The following CBFA2T2 variants were observed in gnomAD, a reference collection of about 807,000 sequenced individuals.
The protein encoded by CBFA2T2 is protein CBFA2T2.
Under a neutral mutation model 62.2 loss-of-function variants are expected in CBFA2T2, and 11 were observed. That is an observed-to-expected ratio of 0.18 (90% CI 0.11 to 0.29). The LOEUF is 0.29. CBFA2T2 is among the 10% of genes least tolerant of loss of function. The pLI, the probability that CBFA2T2 is intolerant of heterozygous loss-of-function variation, is 1.00. For synonymous variants in CBFA2T2, 295 were observed against 287.5 expected (o/e 1.03, Z -0.27); for missense variants, 592 against 774.1 (o/e 0.76, Z 2.79).
intron 1 of CBFA2T2, among the ~76,000 whole-genome samples, chr20:33,576,269 T>C (rs980593722): frequency 6.6e-6 from 1 of 152,154 alleles, no homozygotes; most frequent in Non-Finnish European, 1.5e-5. Context: ...ATAGGCTTTC[T>C]GCCTCCTTAA....
At chr20:33,639,759 G>C (rs1015285754) in intron 9 of CBFA2T2, 1 of 152,372 alleles carries the variant, frequency 6.6e-6, no homozygotes, top group Non-Finnish European at 1.5e-5. Context: ...AGTATGGTGG[G>C]ACACGCCTGT....
chr20:33,587,351 G>A (rs969817085), intron 1 of CBFA2T2, among the ~76,000 whole-genome samples: 21 of 151,708 alleles, frequency 1.4e-4, no homozygotes, highest in African/African-American at 5.1e-4. Flanking sequence ...ACTGCAACCT[G>A]TGCCTCCTGG....
chr20:33,523,727 C>T (rs566771003), intron 1 of CBFA2T2, among the ~76,000 whole-genome samples: 86 of 150,842 alleles, frequency 5.7e-4, no homozygotes, highest in Admixed American at 9.2e-4. Flanking sequence ...TCACCCTTGT[C>T]GCCCAGGCTG....
intron 1 of CBFA2T2, among the ~76,000 whole-genome samples, chr20:33,561,697 T>A (rs1362509622): frequency 6.6e-6 from 1 of 152,246 alleles, no homozygotes; most frequent in Non-Finnish European, 1.5e-5. Context: ...ACACTTATAT[T>A]AGCAGTTATT....
chr20:33,553,949 TTTG>T (rs1227827818), intron 1 of CBFA2T2, among the ~76,000 whole-genome samples: 3 of 152,098 alleles, frequency 2.0e-5, no homozygotes, highest in Non-Finnish European at 2.9e-5. Flanking sequence ...GGCATATGCT[TTTG>T]TTAACTTTAC....
chr20:33,643,807 AT>A, intron 10 of CBFA2T2, among the ~76,000 whole-genome samples: 3 of 25,204 alleles, frequency 1.2e-4, no homozygotes, highest in African/African-American at 3.7e-4. Flanking sequence ...ATATATATAT[AT>A]ATATATATAG....
chr20:33,546,443 T>C (rs977438360), intron 1 of CBFA2T2, among the ~76,000 whole-genome samples: 35 of 149,778 alleles, frequency 2.3e-4, no homozygotes, highest in African/African-American at 7.7e-4. Flanking sequence ...TTTTTTTTTT[T>C]CTTGGAGACA....
intron 1 of CBFA2T2, among the ~76,000 whole-genome samples, chr20:33,495,627 G>C (rs867964360): frequency 3.3e-5 from 5 of 152,022 alleles, no homozygotes; most frequent in South Asian, 4.1e-4. Context: ...AACTGCGGAG[G>C]TTGCAGTGTG....
intron 1 of CBFA2T2, among the ~76,000 whole-genome samples, chr20:33,496,787 T>C (rs2011203863): frequency 1.3e-5 from 2 of 152,126 alleles, no homozygotes; most frequent in South Asian, 4.1e-4. Context: ...GTACCTTTTG[T>C]TTGCTCTTCT....
At chr20:33,558,029 A>G (rs1231805657) in intron 1 of CBFA2T2, among the ~76,000 whole-genome samples, 1 of 151,800 alleles carries the variant, frequency 6.6e-6, no homozygotes, top group Non-Finnish European at 1.5e-5. Context: ...GGGTTTCACC[A>G]TGTTGGCCAG....
intron 10 of CBFA2T2, among the ~76,000 whole-genome samples, chr20:33,643,781 A>AG (rs1225967739): frequency 3.7e-5 from 1 of 26,848 alleles, no homozygotes; most frequent in Admixed American, 5.8e-4. Context: ...ATATATATAT[A>AG]TATATATATA....
intron 1 of CBFA2T2, among the ~76,000 whole-genome samples, chr20:33,563,949 G>C (rs1167350893): frequency 6.6e-6 from 1 of 152,186 alleles, no homozygotes; most frequent in East Asian, 1.9e-4. Context: ...TACCAGAACA[G>C]AAGAACTTTG....
chr20:33,598,544 G>GT (rs2014987449), intron 1 of CBFA2T2, among the ~76,000 whole-genome samples: 1 of 152,142 alleles, frequency 6.6e-6, no homozygotes, highest in African/African-American at 2.4e-5. Context: ...CTGTTATCCT[G>GT]TTCTTTTTTC....
intron 1 of CBFA2T2, among the ~76,000 whole-genome samples, chr20:33,498,382 G>A (rs991025717): frequency 6.6e-6 from 1 of 151,230 alleles, no homozygotes; most frequent in Non-Finnish European, 1.5e-5. Context: ...TTCCCAAGTC[G>A]CTGGGTTTAC....
intron 1 of CBFA2T2, among the ~76,000 whole-genome samples, chr20:33,529,743 T>TTTTATATATATATATATATATA (rs1163402861): frequency 2.5e-4 from 1 of 4,040 alleles, no homozygotes; most frequent in African/African-American, 3.2e-4. Flanking sequence ...AAGAAAGCAG[T>TTTTATATATATATATATATATA]TATATATATA....
intron 1 of CBFA2T2, among the ~76,000 whole-genome samples, chr20:33,523,778 T>G (rs146528813): frequency 1.9e-3 from 288 of 152,060 alleles, no homozygotes; most frequent in African/African-American, 6.2e-3. Context: ...TCCGCCTCCC[T>G]GGTTCAAGCA....
At chr20:33,526,064 G>A (rs1160072568) in intron 1 of CBFA2T2, among the ~76,000 whole-genome samples, 1 of 152,118 alleles carries the variant, frequency 6.6e-6, no homozygotes, top group Non-Finnish European at 1.5e-5. Context: ...AGAAAGCTAT[G>A]CTGTACTTTA....
intron 9 of CBFA2T2, 48 bp from the exon 10 acceptor site, chr20:33,640,293 A>G: frequency 6.4e-7 from 1 of 1,551,874 alleles, no homozygotes; most frequent in Non-Finnish European, 8.8e-7. Context: ...GTGGGATGGG[A>G]GGGAAAAGAT....
intron 1 of CBFA2T2, among the ~76,000 whole-genome samples, chr20:33,500,224 G>A (rs1479137668): frequency 6.6e-6 from 1 of 151,960 alleles, no homozygotes; most frequent in Non-Finnish European, 1.5e-5. Flanking sequence ...CAAAGTGGTG[G>A]GATTATAGAC....
Sources: gnomAD v4.1 joint callset for allele counts (sites outside exome capture counted in the v4.1 genomes callset) on GRCh38, gnomAD v4.1.1 for gene constraint, MANE v1.5 for transcripts, NCBI Gene and HGNC (gene_info 2026-07-23, HGNC 2026-07-21) for gene names.